The following CSF2RA variants were observed in gnomAD, a reference collection of about 807,000 sequenced individuals.
The protein encoded by CSF2RA is colony stimulating factor 2 receptor subunit alpha.
In CSF2RA, 42 loss-of-function variants were observed where a neutral mutation model predicts 51.6. That is an observed-to-expected ratio of 0.81 (90% CI 0.64 to 1.05). CSF2RA has a LOEUF of 1.05. Among genes scored for constraint, CSF2RA ranks in the 50% least tolerant of loss-of-function variants. CSF2RA has a pLI of 0.00. For missense variants in CSF2RA, 530 were observed against 501.1 expected (o/e 1.06, Z -0.55); for synonymous variants, 222 against 193.0 (o/e 1.15, Z -1.24).
In CSF2RA at chrX:1,309,712, C is replaced by G. The variant is rs759447183; in HGVS notation, c.*233C>G. On this transcript the variant is annotated 3_prime_UTR_variant, in exon 13 of 13. Coordinates refer to ENST00000381529, the MANE Select transcript of CSF2RA (RefSeq NM_172245.4). ...GACCAGCCTGCCCAACATGGTGAAACCCCATCTGGACTAAAAATGCAGAAA... is the reference window on the plus strand; with the variant it reads ...GACCAGCCTGCCCAACATGGTGAAAGCCCATCTGGACTAAAAATGCAGAAA... 1.1e-6 allele frequency: 1 copy of G among 928,868 alleles called. No individual in the cohort carries two copies. The highest frequency in any genetic ancestry group is 1.7e-5 in the African/African-American group (1 of 60,438). 57.5% of individuals were successfully genotyped at this position (928,868 alleles called of 1,614,324 possible). A position where few individuals can be genotyped will look rare whatever the true frequency, so the allele number is the denominator to read the frequency against.
At position 1,276,014 on chromosome X, in the gene CSF2RA, T is replaced by C. The variant is rs756020710; in HGVS notation, c.-27+1196T>C. Among the ~76,000 whole-genome samples the C allele has an allele frequency of 3.3e-5, 5 of 150,674 alleles. No individual in the cohort carries two copies. The East Asian group carries it at 8.0e-4, about 24-fold the overall frequency. Reference sequence around the variant, plus strand: ...AGCTATTTTATTTTATTTGTTTTATTTTTTGTGACAGAGTCTCACTCTGTC... The same window carrying C: ...AGCTATTTTATTTTATTTGTTTTATCTTTTGTGACAGAGTCTCACTCTGTC... On this transcript the variant is annotated intron_variant, in intron 2 of 12. Transcript: ENST00000381529.
downstream of CSF2RA, among the ~76,000 whole-genome samples, chrX:1,312,984 CAAG>C (rs2084250623): frequency 6.6e-6 from 1 of 152,200 alleles, no homozygotes; most frequent in South Asian, 2.1e-4. Context: ...TCTGGGCCTG[CAAG>C]AAGTGAGAGG....
rs1347567434 is a variant in CSF2RA at position 1,268,892 on chromosome X, C to A, written c.-91+13C>A. 2 of 453,874 alleles carry A rather than the reference C, an allele frequency of 4.4e-6. No homozygotes were observed. The highest frequency in any genetic ancestry group is 8.8e-6 in the Non-Finnish European group (2 of 226,726). The allele number at this position is 453,874 out of a possible 1,614,324, so 28.1% of individuals were successfully genotyped here. A position where few individuals can be genotyped will look rare whatever the true frequency, so the allele number is the denominator to read the frequency against. On this transcript the variant is annotated intron_variant, in intron 1 of 12. Transcript: ENST00000381529. ...GGATGCCGTGGGGGTAAGCTAAGTTCTTTCCTTCTGTGGTCTTTGAGCATG... is the reference window on the plus strand; with the variant it reads ...GGATGCCGTGGGGGTAAGCTAAGTTATTTCCTTCTGTGGTCTTTGAGCATG...
chrX:1,287,689 C>G (rs1324279924), intron 4 of CSF2RA, among the ~76,000 whole-genome samples: 1 of 139,686 alleles, frequency 7.2e-6, no homozygotes, highest in African/African-American at 2.7e-5. Context: ...AGTGATCCAC[C>G]CGCCTCGGCC....
chrX:1,303,936 G>A lies in CSF2RA; in HGVS notation c.960G>A (p.Gly320=). The A allele has an allele frequency of 6.2e-7, 1 of 1,613,564 alleles. No individual in the cohort carries two copies. Among genetic ancestry groups the A allele is most frequent in the Non-Finnish European group, 8.5e-7 (1 of 1,179,766 alleles). The change falls in exon 11 of 13, where the codon GGG becomes GGA. Residue 320 remains glycine (G), a synonymous_variant. Transcript: ENST00000381529. ...SEAIEFGSDD[G]NLGSVYIYVL... ...GTGTCTCTCCAGGTTCTGACGACGG[G>A]AACCTCGGCTCTGTGTACATTTATG...
At chrX:1,325,098 C>T in the CSF2RA span, among the ~76,000 whole-genome samples, 3 of 151,482 alleles carry the variant, frequency 2.0e-5, no homozygotes, top group Non-Finnish European at 2.9e-5. Flanking sequence ...CCGTGGCTCA[C>T]GCCTGTCATC....
chrX:1,314,938 G>A (rs1167954769), downstream of CSF2RA, among the ~76,000 whole-genome samples: 9 of 72,136 alleles, frequency 1.2e-4, no homozygotes, highest in African/African-American at 3.1e-4. Flanking sequence ...CACTGCACTT[G>A]CCCAACCCCT....
intron 2 of CSF2RA, chrX:1,282,385 T>A (rs1237113115): frequency 2.3e-5 from 12 of 512,174 alleles, no homozygotes; most frequent in Non-Finnish European, 3.9e-5. Flanking sequence ...GCCTTTAGTG[T>A]CAGCTATGGG....
chrX:1,313,813 A>T (rs1249473028), downstream of CSF2RA, among the ~76,000 whole-genome samples: 15 of 151,544 alleles, frequency 9.9e-5, no homozygotes, highest in African/African-American at 3.6e-4. Flanking sequence ...ACATGGTGAA[A>T]CTCCATCTCT....
chrX:1,299,261 G>C, intron 9 of CSF2RA, among the ~76,000 whole-genome samples: 1 of 152,188 alleles, frequency 6.6e-6, no homozygotes, highest in East Asian at 1.9e-4. Context: ...TGCTTTTAGA[G>C]TGAGTACTGT....
intron 2 of CSF2RA, among the ~76,000 whole-genome samples, chrX:1,278,985 C>G (rs58459947): frequency 1.1e-4 from 17 of 150,946 alleles, no homozygotes; most frequent in East Asian, 9.8e-4. Context: ...TGCAGTGAGC[C>G]GAGATGGCGC....
At chrX:1,315,531 G>T in the CSF2RA span, among the ~76,000 whole-genome samples, 2 of 152,052 alleles carry the variant, frequency 1.3e-5, no homozygotes, top group Admixed American at 1.3e-4. Context: ...AGCCTCTTGA[G>T]TAGCTGAGAT....
the CSF2RA span, among the ~76,000 whole-genome samples, chrX:1,319,545 C>A: frequency 2.0e-5 from 3 of 150,006 alleles, no homozygotes; most frequent in Admixed American, 6.7e-5. Context: ...TCCTCGGCCT[C>A]CCAAAGTGAT....
chrX:1,298,785 C>T (rs188934833), intron 9 of CSF2RA, among the ~76,000 whole-genome samples: 7 of 151,904 alleles, frequency 4.6e-5, no homozygotes, highest in Non-Finnish European at 7.4e-5. Context: ...CCCCTACCCA[C>T]GACCTATGTC....
In CSF2RA at chrX:1,274,816, CCTGTACGTG is replaced by C. The variant is rs1569490196; in HGVS notation, c.-27+1_-27+9del. 1 of 453,376 alleles carries C rather than the reference CCTGTACGTG, an allele frequency of 2.2e-6. No individual in the cohort carries two copies. The highest frequency in any genetic ancestry group is 4.4e-6 in the Non-Finnish European group (1 of 226,668). 28.1% of individuals were successfully genotyped at this position (453,376 alleles called of 1,614,324 possible). A position where few individuals can be genotyped will look rare whatever the true frequency, so the allele number is the denominator to read the frequency against. ...AGAAGCGGCGATGTTTGCGTAGAAC[CCTGTACGTG>C]CTTCCTTCGGCCTGTCGGTAATGTG... On this transcript the variant is annotated splice_donor_variant and splice_donor_5th_base_variant and 5_prime_UTR_variant and intron_variant, in exon 2 of 13. Transcript: ENST00000381529. LOFTEE classifies it low-confidence loss of function (5UTR_SPLICE).
intron 12 of CSF2RA, among the ~76,000 whole-genome samples, chrX:1,306,449 C>G (rs1226419004): frequency 6.6e-6 from 1 of 151,950 alleles, no homozygotes; most frequent in Non-Finnish European, 1.5e-5. Flanking sequence ...GAGTTCGAGA[C>G]CAGCCTGACC....
chrX:1,278,763 T>C (rs1490934356), intron 2 of CSF2RA, among the ~76,000 whole-genome samples: 7 of 148,204 alleles, frequency 4.7e-5, no homozygotes, highest in Middle Eastern at 3.3e-3. Context: ...AGAGGCTGGG[T>C]GCAGTGGCTC....
At chrX:1,303,857 G>T in intron 10 of CSF2RA, 66 bp from the exon 11 acceptor site, 2 of 1,352,382 alleles carry the variant, frequency 1.5e-6, no homozygotes, top group Non-Finnish European at 2.1e-6. Flanking sequence ...CACCCGAAGA[G>T]ATTTAATTTC....
At chrX:1,325,016 C>G in the CSF2RA span, among the ~76,000 whole-genome samples, 5,499 of 152,022 alleles carry the variant, frequency 0.036, 341 homozygotes, top group African/African-American at 0.13. Context: ...CAGGTTCTCT[C>G]TTCTTTTAAA....
Sources: gnomAD v4.1 joint callset for allele counts (sites outside exome capture counted in the v4.1 genomes callset) on GRCh38, gnomAD v4.1.1 for gene constraint, MANE v1.5 for transcripts, NCBI Gene and HGNC (gene_info 2026-07-23, HGNC 2026-07-21) for gene names.